The following PIGB variants were observed in gnomAD, a reference collection of about 807,000 sequenced individuals.
The protein encoded by PIGB is GPI alpha-1,2-mannosyltransferase 3.
Under a neutral mutation model 68.4 loss-of-function variants are expected in PIGB, and 58 were observed. That is an observed-to-expected ratio of 0.85 (90% CI 0.69 to 1.06). The LOEUF is 1.06. Ranked by LOEUF, PIGB falls within the 50% of genes least tolerant of loss-of-function variation. The pLI is 0.00. For missense variants in PIGB, 634 were observed against 655.8 expected, an observed-to-expected ratio of 0.97 and a Z score of 0.36; for synonymous variants, 219 against 220.5, an observed-to-expected ratio of 0.99 and a Z score of 0.06.
intron 9 of PIGB, among the ~76,000 whole-genome samples, chr15:55,345,087 G>C (rs1240794546): frequency 6.6e-6 from 1 of 151,500 alleles, no homozygotes; most frequent in African/African-American, 2.4e-5. Flanking sequence ...GTTGGGGCTT[G>C]ACCATGTTGA....
At chr15:55,350,965 T>A (rs1455228850) in intron 10 of PIGB, 53 bp downstream of exon 10, 2 of 874,102 alleles carry the variant, frequency 2.3e-6, no homozygotes, top group African/African-American at 1.7e-5. Context: ...CTGACTACTT[T>A]AAAATTCCCT....
chr15:55,337,551 A>T (rs994307699), intron 6 of PIGB, among the ~76,000 whole-genome samples: 5 of 152,194 alleles, frequency 3.3e-5, no homozygotes, highest in Non-Finnish European at 7.3e-5. Context: ...GAACAGTTTC[A>T]TCCAGAAACC....
At position 55,355,511 on chromosome 15, in the gene PIGB, T is replaced by G. The variant is rs2056060699; in HGVS notation, c.*79T>G. On this transcript the variant is annotated 3_prime_UTR_variant, in exon 12 of 12. Coordinates refer to ENST00000164305, the MANE Select transcript of PIGB (RefSeq NM_004855.5). ...ATACTTCGGTAAACACTGGGTAAGA[T>G]TCATGGAACTTAGAAAAAAGCTGTA... is the stretch of plus-strand genomic sequence containing the variant. 1 of 1,167,484 alleles carries G rather than the reference T, an allele frequency of 8.6e-7. No individual in the cohort carries two copies. Among genetic ancestry groups the G allele is most frequent in the Non-Finnish European group, 1.2e-6 (1 of 824,374 alleles). 72.3% of individuals were successfully genotyped at this position (1,167,484 alleles called of 1,614,324 possible). A position where few individuals can be genotyped will look rare whatever the true frequency, so the allele number is the denominator to read the frequency against.
intron 5 of PIGB, among the ~76,000 whole-genome samples, chr15:55,331,491 A>G (rs1358068083): frequency 2.6e-5 from 4 of 152,086 alleles, no homozygotes; most frequent in Non-Finnish European, 5.9e-5. Flanking sequence ...AGACGGGTGG[A>G]TCACTTGAGG....
At chr15:55,334,537 C>G (rs1382600479) in intron 6 of PIGB, among the ~76,000 whole-genome samples, 1 of 152,136 alleles carries the variant, frequency 6.6e-6, no homozygotes. Flanking sequence ...ATCTAGTAGA[C>G]TACCCCGAAT....
In PIGB at chr15:55,319,267, G is replaced by C. The variant is rs1053532065; in HGVS notation, c.17G>C (p.Ser6Thr). ...CGGCCAGGGATGAGGAGGCCCCTAA[G>C]CAAGTGCGGAATGGAGCCGGGGGGC... Reference protein sequence around the residue: MRRPLSKCGMEPGGGD... With the variant: MRRPLTKCGMEPGGGD... Residue 6 changes from serine (S) to threonine (T), a missense_variant, in exon 1 of 12, where the codon AGC (serine) becomes ACC (threonine). By Grantham distance (58) the Ser-to-Thr change is moderately conservative (BLOSUM62 1). Transcript: ENST00000164305. 1 of 1,607,334 alleles carries C rather than the reference G, an allele frequency of 6.2e-7. No homozygotes were observed. Among genetic ancestry groups the C allele is most frequent in the Middle Eastern group, 1.7e-4 (1 of 6,046 alleles).
chr15:55,329,574 C>T lies in PIGB; in HGVS notation c.523-150C>T, dbSNP rs889150607. 1.7e-5 allele frequency: 9 copies of T among 544,760 alleles called. No homozygotes were observed. The Admixed American group carries it at 1.7e-4, about 10-fold the overall frequency. 33.7% of individuals were successfully genotyped at this position (544,760 alleles called of 1,614,324 possible). A position where few individuals can be genotyped will look rare whatever the true frequency, so the allele number is the denominator to read the frequency against. On this transcript the variant is annotated intron_variant, in intron 4 of 11. Transcript: ENST00000164305. The stretch of plus-strand genomic sequence containing the variant: ...TGTGTTTCATGTAACTTTCTAAAAA[C>T]GACGTTTGGGCATGCCTACTTACTT...
chr15:55,340,625 A>T lies in PIGB; in HGVS notation c.860A>T (p.Gln287Leu). The change falls in exon 8 of 12, where the codon CAA becomes CTA. Residue 287 changes from glutamine to leucine, a missense_variant. By Grantham distance (113) the Gln-to-Leu change is moderately radical. Transcript: ENST00000164305. Reference protein sequence around the residue: ...RIFFGQWTLVQFNFLKFNVLQ... With the variant: ...RIFFGQWTLVLFNFLKFNVLQ... ...CAACGGTGCCAGTGGACTCTGGTTC[A>T]ATTTAATTTTTTGAAATTTAACGTG... 1 of 1,610,028 alleles carries T rather than the reference A, an allele frequency of 6.2e-7. No homozygotes were observed. The highest frequency in any genetic ancestry group is 8.5e-7 in the Non-Finnish European group (1 of 1,177,802).
At chr15:55,331,595 C>T (rs938873422) in intron 5 of PIGB, among the ~76,000 whole-genome samples, 2 of 152,030 alleles carry the variant, frequency 1.3e-5, no homozygotes, top group Non-Finnish European at 2.9e-5. Flanking sequence ...TGCCTATAAT[C>T]CCAGCTACTC....
intron 6 of PIGB, among the ~76,000 whole-genome samples, chr15:55,336,521 T>A (rs2055539935): frequency 6.6e-6 from 1 of 152,184 alleles, no homozygotes; most frequent in African/African-American, 2.4e-5. Flanking sequence ...TTGAGCAAAA[T>A]CATCTAACAC....
intron 10 of PIGB, among the ~76,000 whole-genome samples, chr15:55,354,175 G>A (rs910430389): frequency 6.6e-5 from 10 of 151,694 alleles, no homozygotes; most frequent in Admixed American, 1.3e-4. Flanking sequence ...TCAGCCAGGC[G>A]TGGTTGGCGG....
intron 3 of PIGB, 118 bp downstream of exon 3, chr15:55,321,508 G>A (rs886418102): frequency 1.3e-5 from 9 of 687,996 alleles, no homozygotes; most frequent in African/African-American, 5.5e-5. Context: ...GACATACTGT[G>A]ATGTGTAACT....
At chr15:55,330,469 C>A (rs537152827) in intron 5 of PIGB, among the ~76,000 whole-genome samples, 1 of 152,266 alleles carries the variant, frequency 6.6e-6, no homozygotes, top group Admixed American at 6.5e-5. Flanking sequence ...GAAACAAATA[C>A]CACGCAATGG....
At chr15:55,329,579 TTTGGGCATGCCTACTTAC>T (rs1321876535) in intron 4 of PIGB, 127 bp from the exon 5 acceptor site, 5 of 571,550 alleles carry the variant, frequency 8.7e-6, no homozygotes, top group African/African-American at 1.9e-5. Flanking sequence ...AAAAACGACG[TTTGGGCATGCCTACTTAC>T]TTTAACATCA....
intron 5 of PIGB, among the ~76,000 whole-genome samples, chr15:55,331,742 C>CT (rs919920631): frequency 2.6e-5 from 4 of 152,080 alleles, no homozygotes; most frequent in Non-Finnish European, 2.9e-5. Flanking sequence ...GATGGGGTCT[C>CT]TTTAGGTTGC....
chr15:55,324,755 GA>G, intron 3 of PIGB: 1 of 951,214 alleles, frequency 1.1e-6, no homozygotes, highest in Non-Finnish European at 1.3e-6. Context: ...TAGCCAAATT[GA>G]CTTTTCATAT....
chr15:55,342,306 G>A (rs989655332), intron 9 of PIGB, among the ~76,000 whole-genome samples: 2 of 152,200 alleles, frequency 1.3e-5, no homozygotes, highest in Non-Finnish European at 2.9e-5. Context: ...AAGGAAAAAT[G>A]TATTTACTGC....
chr15:55,334,093 AT>A, intron 6 of PIGB, 86 bp downstream of exon 6: 1 of 940,454 alleles, frequency 1.1e-6, no homozygotes, highest in Non-Finnish European at 1.5e-6. Flanking sequence ...TCAGTTAATT[AT>A]TTTATCTTCT....
chr15:55,333,892 C>A lies in PIGB; in HGVS notation c.679C>A (p.Leu227Ile). ...NSVKYSSLVA[L>I]AFIIRPTAVI... is the part of the protein sequence containing the mutation. ...TGTCAAATACTCATCCCTGGTGGCACTTGCCTTCATAATTCGTCCCACAGC... is the reference window on the plus strand; with the variant it reads ...TGTCAAATACTCATCCCTGGTGGCAATTGCCTTCATAATTCGTCCCACAGC... The change falls in exon 6 of 12, where the codon CTT becomes ATT. Residue 227 changes from leucine (L) to isoleucine (I), a missense_variant. Transcript: ENST00000164305. The A allele has an allele frequency of 1.2e-6, 2 of 1,606,048 alleles. No homozygotes were observed. Among genetic ancestry groups the A allele is most frequent in the Non-Finnish European group, 1.7e-6 (2 of 1,176,682 alleles).
Sources: gnomAD v4.1 joint callset for allele counts (sites outside exome capture counted in the v4.1 genomes callset) on GRCh38, gnomAD v4.1.1 for gene constraint, MANE v1.5 for transcripts, NCBI Gene and HGNC (gene_info 2026-07-23, HGNC 2026-07-21) for gene names.